CFAP47: variants seen among roughly 807,000 people sequenced by gnomAD.
The protein encoded by CFAP47 is cilia- and flagella-associated protein 47.
CFAP47 carries 29 observed loss-of-function variants against 148.1 expected under a neutral mutation model. The observed-to-expected ratio is 0.20, with a 90% confidence interval of 0.15 to 0.27. The LOEUF (loss-of-function observed/expected upper bound fraction) is 0.27, where lower values mean the gene tolerates loss of function less well. Among genes scored for constraint, CFAP47 ranks in the 10% least tolerant of loss-of-function variants. The pLI, the probability that CFAP47 is intolerant of heterozygous loss-of-function variation, is 1.00. For synonymous variants in CFAP47, 664 were observed against 577.3 expected (o/e 1.15, Z -2.15); for missense variants, 1,872 against 1,697.5 (o/e 1.10, Z -1.81).
chrX:35,981,038 A>C (rs997622089), intron 15 of CFAP47, among the ~76,000 whole-genome samples: 2 of 110,681 alleles, frequency 1.8e-5, no homozygotes, highest in African/African-American at 6.6e-5. Flanking sequence ...ATAGCTATAA[A>C]AAGATATTGT....
At chrX:36,015,299 G>A (rs974494849) in intron 22 of CFAP47, among the ~76,000 whole-genome samples, 1 of 109,894 alleles carries the variant, frequency 9.1e-6, no homozygotes, top group African/African-American at 3.3e-5. Flanking sequence ...CAAAGGGATG[G>A]GTTACTAAAA....
chrX:35,953,770 T>G (rs779155637), intron 7 of CFAP47, 51 bp downstream of exon 7: 16 of 994,873 alleles, frequency 1.6e-5, no homozygotes, highest in Non-Finnish European at 2.2e-5. Context: ...TTAAATTGTT[T>G]AAAAATTTGA....
intron 22 of CFAP47, among the ~76,000 whole-genome samples, chrX:36,027,617 C>T (rs766485316): frequency 9.1e-6 from 1 of 110,054 alleles, no homozygotes; most frequent in African/African-American, 3.3e-5. Flanking sequence ...TTTCTTTATC[C>T]AACATGTGCA....
intron 57 of CFAP47, among the ~76,000 whole-genome samples, chrX:36,319,813 TTTG>T (rs1218070605): frequency 9.0e-6 from 1 of 110,797 alleles, no homozygotes; most frequent in Non-Finnish European, 1.9e-5. Flanking sequence ...TGAGACTATT[TTTG>T]TTGTTGTTGT....
chrX:36,182,006 G>A (rs1939755921), intron 40 of CFAP47, among the ~76,000 whole-genome samples: 1 of 112,351 alleles, frequency 8.9e-6, no homozygotes, highest in Non-Finnish European at 1.9e-5. Context: ...AAGAGAAGAA[G>A]TTACTATGGC....
chrX:36,343,349 G>A (rs5007984), intron 57 of CFAP47, among the ~76,000 whole-genome samples: 129 of 112,022 alleles, frequency 1.2e-3, no homozygotes, highest in Non-Finnish European at 1.6e-3. Context: ...ATCATCACTG[G>A]TCATTAGAAA....
At chrX:36,147,313 C>A (rs1174210560) in intron 36 of CFAP47, among the ~76,000 whole-genome samples, 3 of 111,784 alleles carry the variant, frequency 2.7e-5, no homozygotes, top group Non-Finnish European at 5.6e-5. Context: ...CTCCTCATCA[C>A]CCCTACACGA....
intron 46 of CFAP47, among the ~76,000 whole-genome samples, chrX:36,234,119 C>A (rs1343153460): frequency 9.2e-6 from 1 of 108,563 alleles, no homozygotes; most frequent in Non-Finnish European, 1.9e-5. Flanking sequence ...CGAGGAGTAT[C>A]TTTGTGGCGT....
At chrX:36,195,476 A>G (rs1232558080) in intron 42 of CFAP47, among the ~76,000 whole-genome samples, 1 of 112,273 alleles carries the variant, frequency 8.9e-6, no homozygotes, top group East Asian at 2.8e-4. Flanking sequence ...TATAATCATT[A>G]TAATTATTAT....
At chrX:36,290,885 T>G (rs782327325) in intron 51 of CFAP47, among the ~76,000 whole-genome samples, 1 of 112,491 alleles carries the variant, frequency 8.9e-6, no homozygotes, top group South Asian at 3.7e-4. Context: ...AAAACTGAAT[T>G]TATTCTTTAT....
chrX:35,947,808 T>C (rs931822395), intron 3 of CFAP47, among the ~76,000 whole-genome samples: 24 of 111,943 alleles, frequency 2.1e-4, no homozygotes, highest in Admixed American at 1.9e-3. Context: ...AAATATTATA[T>C]CATAGATTAT....
intron 33 of CFAP47, among the ~76,000 whole-genome samples, chrX:36,125,134 T>G (rs182570139): frequency 8.9e-6 from 1 of 112,035 alleles, no homozygotes; most frequent in Admixed American, 9.5e-5. Context: ...GAAAAATAAG[T>G]GAATCATTAT....
At chrX:36,227,400 A>G (rs1193802227) in intron 45 of CFAP47, among the ~76,000 whole-genome samples, 1 of 111,950 alleles carries the variant, frequency 8.9e-6, no homozygotes, top group Non-Finnish European at 1.9e-5. Flanking sequence ...ATAGCAACAT[A>G]GACATGGAAT....
chrX:35,939,592 A>G (rs1378726425), intron 2 of CFAP47, among the ~76,000 whole-genome samples: 1 of 85,252 alleles, frequency 1.2e-5, no homozygotes, highest in African/African-American at 4.3e-5. Flanking sequence ...ATGATTTCCA[A>G]TTTCATCCAT....
intron 53 of CFAP47, among the ~76,000 whole-genome samples, chrX:36,302,211 A>T (rs1168043595): frequency 9.0e-6 from 1 of 110,630 alleles, no homozygotes; most frequent in African/African-American, 3.3e-5. Flanking sequence ...AGTTTTGGTT[A>T]TTTTCATTGA....
intron 57 of CFAP47, among the ~76,000 whole-genome samples, chrX:36,333,874 T>C (rs974524761): frequency 3.6e-5 from 4 of 111,590 alleles, no homozygotes; most frequent in Admixed American, 9.6e-5. Flanking sequence ...ATAGGTACAA[T>C]AAATCTGTTG....
At chrX:35,960,380 GAAAAAAA>G (rs1188987905) in intron 8 of CFAP47, among the ~76,000 whole-genome samples, 58 of 15,484 alleles carry the variant, frequency 3.7e-3, no homozygotes, top group African/African-American at 0.015. Flanking sequence ...GCTAATTTCT[GAAAAAAA>G]AAAAAAAAAA....
At chrX:35,927,743 C>G (rs1258298230) in intron 2 of CFAP47, among the ~76,000 whole-genome samples, 1 of 110,590 alleles carries the variant, frequency 9.0e-6, no homozygotes, top group Non-Finnish European at 1.9e-5. Flanking sequence ...CCTCCTGTTG[C>G]TTTATTACAA....
intron 26 of CFAP47, among the ~76,000 whole-genome samples, chrX:36,053,367 G>A (rs1937530055): frequency 9.0e-6 from 1 of 111,592 alleles, no homozygotes; most frequent in Non-Finnish European, 1.9e-5. Flanking sequence ...GGCAGGCAAT[G>A]GGAAATCTTA....
Sources: allele counts gnomAD v4.1 joint callset (sites outside exome capture counted in the v4.1 genomes callset), GRCh38; gene constraint gnomAD v4.1.1; transcripts MANE v1.5; gene names NCBI Gene and HGNC (gene_info 2026-07-23, HGNC 2026-07-21).